The following MIGA2 variants were observed in gnomAD, a reference collection of about 807,000 sequenced individuals.
The protein encoded by MIGA2 is mitoguardin 2, also known as family with sequence similarity 73, member B.
MIGA2 carries 36 observed loss-of-function variants against 69.9 expected under a neutral mutation model. That is an observed-to-expected ratio of 0.52 (90% confidence interval 0.39 to 0.68). The LOEUF is 0.68. Among genes scored for constraint, MIGA2 ranks in the 30% least tolerant of loss-of-function variants. The probability of loss-of-function intolerance (pLI) is 0.00; values close to 1 mark genes in which losing one functional copy is unlikely to be tolerated. For synonymous variants in MIGA2, 333 were observed against 349.2 expected (o/e 0.95, Z 0.52); for missense variants, 660 against 787.7 (o/e 0.84, Z 1.94).
intron 6 of MIGA2, among the ~76,000 whole-genome samples, chr9:129,056,141 A>C (rs12682876): frequency 0.03 from 4,510 of 151,998 alleles, 161 homozygotes; most frequent in South Asian, 0.098. Flanking sequence ...AAAAAAAAAA[A>C]AAAAAAAACT....
Position 129,043,299 on chromosome 9 carries a change from G to C in MIGA2, c.307+785G>C, listed in dbSNP as rs141695526. On this transcript the variant is annotated intron_variant, in intron 3 of 15. Coordinates refer to ENST00000684074, the MANE Select transcript of MIGA2 (RefSeq NM_001329990.2). The stretch of plus-strand genomic sequence containing the variant: ...ATAGAGTCATCCGACCACCACCATA[G>C]TTAGGAATCATTCAGCTGGTTGGAA... Among the ~76,000 whole-genome samples the C allele has an allele frequency of 3.9e-3, 592 of 151,886 alleles. 5 individuals carry two copies. The highest frequency in any genetic ancestry group is 0.014 in the African/African-American group (567 of 41,446).
At position 129,060,699 on chromosome 9, in the gene MIGA2, C is replaced by T. The variant is rs781659536; in HGVS notation, c.894+49C>T. 1 of 1,453,212 alleles carries T rather than the reference C, an allele frequency of 6.9e-7. No individual in the cohort carries two copies. The highest frequency in any genetic ancestry group is 1.4e-5 in the African/African-American group (1 of 71,340). 90.0% of individuals were successfully genotyped at this position (1,453,212 alleles called of 1,614,324 possible). A position where few individuals can be genotyped will look rare whatever the true frequency, so the allele number is the denominator to read the frequency against. On this transcript the variant is annotated intron_variant, in intron 8 of 15. Transcript: ENST00000684074. This position sits in a 1 kb window ranked among gnomAD's most constrained non-coding sequence, Gnocchi z 4.8. The stretch of plus-strand genomic sequence containing the variant: ...CTGGGGTGGGGTGAAGGCTGGGCCT[C>T]CTCTGCAGGTCCATGGGGCCAGCAC...
intron 6 of MIGA2, chr9:129,051,284 A>ATTT: frequency 1.9e-5 from 3 of 160,462 alleles, no homozygotes; most frequent in Non-Finnish European, 3.6e-5. Context: ...TTATTTATTT[A>ATTT]TTTTTTTTTT....
intron 3 of MIGA2, among the ~76,000 whole-genome samples, chr9:129,048,151 A>G (rs992833820): frequency 1.3e-5 from 2 of 152,208 alleles, no homozygotes; most frequent in Non-Finnish European, 2.9e-5. Context: ...GATGGACCTC[A>G]TTCTTGGCTT....
chr9:129,043,110 C>T (rs972041081), intron 3 of MIGA2, among the ~76,000 whole-genome samples: 3 of 151,700 alleles, frequency 2.0e-5, no homozygotes, highest in South Asian at 2.1e-4. Flanking sequence ...AGGAGAATGG[C>T]GTGAACCCAG....
intron 11 of MIGA2, 199 bp from the exon 12 acceptor site, chr9:129,067,574 C>T: frequency 1.7e-6 from 1 of 586,422 alleles, no homozygotes; most frequent in Non-Finnish European, 3.0e-6. Context: ...GAGGAGCTGG[C>T]TTGAGACCTG....
At position 129,040,492 on chromosome 9, in the gene MIGA2, C is replaced by G; in HGVS notation, c.-103C>G. ...CTCTGGTATGTGTGTCCCTGTCCTT[C>G]TGGGGCGTGGATGGTGCCTGGGACC... On this transcript the variant is annotated 5_prime_UTR_variant, in exon 2 of 16. Coordinates refer to ENST00000684074, the MANE Select transcript of MIGA2 (RefSeq NM_001329990.2). 2 of 1,474,592 alleles carry G rather than the reference C, an allele frequency of 1.4e-6. No homozygotes were observed. The highest frequency in any genetic ancestry group is 1.8e-6 in the Non-Finnish European group (2 of 1,102,310). 91.3% of individuals were successfully genotyped at this position (1,474,592 alleles called of 1,614,324 possible). A position where few individuals can be genotyped will look rare whatever the true frequency, so the allele number is the denominator to read the frequency against.
At chr9:129,042,595 G>A in intron 3 of MIGA2, 81 bp downstream of exon 3, 1 of 1,405,084 alleles carries the variant, frequency 7.1e-7, no homozygotes, top group Non-Finnish European at 9.7e-7. Context: ...TCTCTACTTG[G>A]GGATATTGGG....
rs775985804 is a variant in MIGA2, at chr9:129,048,824, C to T, written c.420+285C>T. Among the ~76,000 whole-genome samples the T allele has an allele frequency of 2.6e-5, 4 of 152,138 alleles. No individual in the cohort carries two copies. The South Asian group carries it at 6.2e-4, about 24-fold the overall frequency. On this transcript the variant is annotated intron_variant, in intron 4 of 15. Transcript: ENST00000684074. ...TTCATCAGCCACTGACAAGCACCTG[C>T]GTTATACCAGGGACTCTGTCAGGCA...
chr9:129,038,327 C>T (rs894942177), intron 1 of MIGA2, among the ~76,000 whole-genome samples: 4 of 152,174 alleles, frequency 2.6e-5, no homozygotes, highest in Non-Finnish European at 4.4e-5. Context: ...GGCCCAGTGA[C>T]TTTGGCGGCC....
In MIGA2 at chr9:129,068,180, C is replaced by T. The variant is rs762683868; in HGVS notation, c.1270-18C>T. The T allele has an allele frequency of 3.2e-5, 52 of 1,613,484 alleles. 1 individual carries two copies. Among genetic ancestry groups the T allele is most frequent in the South Asian group, 1.8e-4 (16 of 91,050 alleles). ...GCAGTGCCCCCATGCATGAGCCTCCCGGGGGCACCCTCTGTAGGTGGTATG... is the reference window on the plus strand; with the variant it reads ...GCAGTGCCCCCATGCATGAGCCTCCTGGGGGCACCCTCTGTAGGTGGTATG... On this transcript the variant is annotated intron_variant, in intron 12 of 15. Transcript: ENST00000684074. The surrounding 1 kb of genome is among the most constrained non-coding windows in gnomAD (Gnocchi z 4.1).
chr9:129,060,437 C>A lies in MIGA2; in HGVS notation c.794-113C>A. 1 of 840,962 alleles carries A rather than the reference C, an allele frequency of 1.2e-6. No individual in the cohort carries two copies. The highest frequency in any genetic ancestry group is 1.9e-6 in the Non-Finnish European group (1 of 538,916). 52.1% of individuals were successfully genotyped at this position (840,962 alleles called of 1,614,324 possible). A position where few individuals can be genotyped will look rare whatever the true frequency, so the allele number is the denominator to read the frequency against. ...GCTTTGCCATTGAGTGTGGGAATCACAGGCTCGGGATGAAGCCTCCCCTGG... is the reference window on the plus strand; with the variant it reads ...GCTTTGCCATTGAGTGTGGGAATCAAAGGCTCGGGATGAAGCCTCCCCTGG... On this transcript the variant is annotated intron_variant, in intron 7 of 15. Transcript: ENST00000684074. This position sits in a 1 kb window ranked among gnomAD's most constrained non-coding sequence, Gnocchi z 4.8.
At chr9:129,042,946 G>A (rs1221653966) in intron 3 of MIGA2, among the ~76,000 whole-genome samples, 2 of 152,190 alleles carry the variant, frequency 1.3e-5, no homozygotes, top group Non-Finnish European at 2.9e-5. Flanking sequence ...TGTAATCCCA[G>A]CTCCTTGGGA....
intron 6 of MIGA2, among the ~76,000 whole-genome samples, chr9:129,052,036 C>T (rs1037621840): frequency 6.6e-6 from 1 of 152,054 alleles, no homozygotes; most frequent in Non-Finnish European, 1.5e-5. Context: ...CTGTGTTAGC[C>T]AGGATGGGCT....
rs759273641 is a variant in MIGA2 at position 129,061,689 on chromosome 9, C to T, written c.1010+343C>T. 2.0e-5 allele frequency among the ~76,000 whole-genome samples: 3 copies of T among 152,140 alleles called. No homozygotes were observed. Among genetic ancestry groups the T allele is most frequent in the Non-Finnish European group, 4.4e-5 (3 of 68,026 alleles). ...GATACAGAGAAGATGAACGTGGTCCCGGCATAAGGATAACATGCAGATTTA... is the reference window on the plus strand; with the variant it reads ...GATACAGAGAAGATGAACGTGGTCCTGGCATAAGGATAACATGCAGATTTA... On this transcript the variant is annotated intron_variant, in intron 9 of 15. Coordinates refer to ENST00000684074, the MANE Select transcript of MIGA2 (RefSeq NM_001329990.2). The surrounding 1 kb of genome is among the most constrained non-coding windows in gnomAD (Gnocchi z 5.0).
intron 11 of MIGA2, among the ~76,000 whole-genome samples, chr9:129,066,159 C>G (rs551377710): frequency 6.6e-6 from 1 of 152,230 alleles, no homozygotes; most frequent in African/African-American, 2.4e-5. Context: ...ACACTGAGCC[C>G]AGGAAGGGAA....
chr9:129,054,158 T>G (rs889584092), intron 6 of MIGA2, among the ~76,000 whole-genome samples: 1 of 152,128 alleles, frequency 6.6e-6, no homozygotes, highest in African/African-American at 2.4e-5. Flanking sequence ...TTTATCCCAA[T>G]AAGAAACCCC....
Position 129,070,306 on chromosome 9 carries a change from A to C in MIGA2, c.1635A>C (p.Ser545=). The C allele has an allele frequency of 6.2e-7, 1 of 1,613,182 alleles. No individual in the cohort carries two copies. Among genetic ancestry groups the C allele is most frequent in the Non-Finnish European group, 8.5e-7 (1 of 1,180,012 alleles). ...ACCTGGACAATGTGCGCTACACGTC[A>C]CTGCCCGCGCTGGCAGACGACATCC... ...MFDLDNVRYT[S]LPALADDILQ... Residue 545 remains serine (S), a synonymous_variant, in exon 16 of 16, where the codon TCA becomes TCC. Transcript: ENST00000684074.
intron 1 of MIGA2, chr9:129,039,712 C>T: frequency 6.5e-6 from 1 of 153,108 alleles, no homozygotes; most frequent in Non-Finnish European, 1.3e-5. Context: ...GTGTGCACCA[C>T]CACGCCCAGC....
Sources: allele counts gnomAD v4.1 joint callset (sites outside exome capture counted in the v4.1 genomes callset), GRCh38; gene constraint gnomAD v4.1.1; non-coding constraint Gnocchi (gnomAD v3.1); transcripts MANE v1.5; gene names NCBI Gene and HGNC (gene_info 2026-07-23, HGNC 2026-07-21).